PAK5: variants seen among roughly 807,000 people sequenced by gnomAD.
The protein encoded by PAK5 is p21 (RAC1) activated kinase 5.
Under a neutral mutation model 65.9 loss-of-function variants are expected in PAK5, and 16 were observed. The ratio of observed to expected loss-of-function variants is 0.24; its 90% confidence interval spans 0.16 to 0.37. The LOEUF (loss-of-function observed/expected upper bound fraction) is 0.37, where lower values mean the gene tolerates loss of function less well. Among genes scored for constraint, PAK5 ranks in the 10% least tolerant of loss-of-function variants. The probability of loss-of-function intolerance (pLI) is 1.00; values close to 1 mark genes in which losing one functional copy is unlikely to be tolerated. For missense variants in PAK5, 785 were observed against 903.9 expected (o/e 0.87, Z 1.69); for synonymous variants, 371 against 354.9 (o/e 1.05, Z -0.51).
chr20:9,544,445 G>A lies in PAK5; in HGVS notation c.1793C>T (p.Pro598Leu), dbSNP rs765134491. 6 of 1,613,768 alleles carry A rather than the reference G, an allele frequency of 3.7e-6. No homozygotes were observed. The highest frequency in any genetic ancestry group is 2.7e-5 in the African/African-American group (2 of 74,996). ...GFCAQVSKEVPKRKSLVGTPY... is the reference protein window; with the variant it reads ...GFCAQVSKEVLKRKSLVGTPY... ...AGTGCCAACCAATGATTTCCTCTTC[G>A]GCACCTCTTTGGAAACTTGAGCACA... is the stretch of plus-strand genomic sequence containing the variant. Residue 598 changes from proline to leucine, a missense_variant, in exon 8 of 10, where the codon CCG becomes CTG. Pro to Leu is a moderately conservative substitution (Grantham distance 98). Coordinates refer to ENST00000353224, the MANE Select transcript of PAK5 (RefSeq NM_177990.4).
At chr20:9,642,376 A>T (rs2123269979) in intron 3 of PAK5, among the ~76,000 whole-genome samples, 1 of 151,982 alleles carries the variant, frequency 6.6e-6, no homozygotes, top group Admixed American at 6.6e-5. Context: ...TTTCTTTAAG[A>T]CTCTGCTTCC....
At chr20:9,780,210 C>G (rs925909746) in intron 1 of PAK5, among the ~76,000 whole-genome samples, 2 of 151,500 alleles carry the variant, frequency 1.3e-5, no homozygotes, top group South Asian at 4.2e-4. Flanking sequence ...TTCTAGAACC[C>G]TTTTCACCTC....
intron 1 of PAK5, among the ~76,000 whole-genome samples, chr20:9,749,919 G>A (rs1047098128): frequency 6.6e-6 from 1 of 152,102 alleles, no homozygotes; most frequent in Non-Finnish European, 1.5e-5. Context: ...CACGTCCTCA[G>A]GCCAGATTTT....
At chr20:9,587,920 T>C (rs965072026) in intron 3 of PAK5, among the ~76,000 whole-genome samples, 1 of 152,192 alleles carries the variant, frequency 6.6e-6, no homozygotes, top group Non-Finnish European at 1.5e-5. Flanking sequence ...CTATCTATAA[T>C]ATAGTGTTAA....
intron 1 of PAK5, among the ~76,000 whole-genome samples, chr20:9,762,912 A>G (rs182892060): frequency 6.6e-6 from 1 of 152,296 alleles, no homozygotes; most frequent in East Asian, 1.9e-4. Flanking sequence ...GTGTATATGC[A>G]TAATGAAATA....
At position 9,543,523 on chromosome 20, in the gene PAK5, A is replaced by T. The variant is rs144550783; in HGVS notation, c.1870-803T>A. 6.3e-4 allele frequency among the ~76,000 whole-genome samples: 96 copies of T among 152,156 alleles called. 2 individuals carry two copies. The East Asian group carries it at 0.015, about 25-fold the overall frequency. On this transcript the variant is annotated intron_variant, in intron 8 of 9. Coordinates refer to ENST00000353224, the MANE Select transcript of PAK5 (RefSeq NM_177990.4). Reference sequence around the variant, plus strand: ...GGACCACAGTGAGAAAAACAAGTTGAGGACTCATCCAAGGTCAAGCAAACA... The same window carrying T: ...GGACCACAGTGAGAAAAACAAGTTGTGGACTCATCCAAGGTCAAGCAAACA...
chr20:9,695,269 G>A (rs1460631288), intron 2 of PAK5, among the ~76,000 whole-genome samples: 3 of 151,804 alleles, frequency 2.0e-5, no homozygotes, highest in Non-Finnish European at 4.4e-5. Flanking sequence ...TATAAATTCT[G>A]GATATGTCGA....
At chr20:9,741,006 T>A (rs2048445352) in intron 1 of PAK5, among the ~76,000 whole-genome samples, 1 of 152,176 alleles carries the variant, frequency 6.6e-6, no homozygotes, top group Admixed American at 6.6e-5. Flanking sequence ...CAAAATCTTT[T>A]CTCTGTCACC....
chr20:9,620,965 G>C (rs1301491753), intron 3 of PAK5, among the ~76,000 whole-genome samples: 1 of 149,488 alleles, frequency 6.7e-6, no homozygotes, highest in Non-Finnish European at 1.5e-5. Flanking sequence ...GAGAAAGAGA[G>C]AGAGAGAGAG....
Position 9,838,588 on chromosome 20 carries a change from G to T in PAK5, c.-162+174C>A, listed in dbSNP as rs994375365. 1.9e-4 allele frequency among the ~76,000 whole-genome samples: 29 copies of T among 152,170 alleles called. No individual in the cohort carries two copies. Among genetic ancestry groups the T allele is most frequent in the African/African-American group, 6.8e-4 (28 of 41,442 alleles). On this transcript the variant is annotated intron_variant, in intron 1 of 9. Transcript: ENST00000353224. The surrounding 1 kb of genome is among the most constrained non-coding windows in gnomAD (Gnocchi z 4.5). Reference sequence around the variant, plus strand: ...CCTATCCCTACCCTCCAGGCAGCAGGTCCCTAGCCTTTGCATCTCCTAGGA... The same window carrying T: ...CCTATCCCTACCCTCCAGGCAGCAGTTCCCTAGCCTTTGCATCTCCTAGGA...
intron 2 of PAK5, among the ~76,000 whole-genome samples, chr20:9,649,890 T>C (rs1600196390): frequency 6.6e-6 from 1 of 152,186 alleles, no homozygotes; most frequent in African/African-American, 2.4e-5. Flanking sequence ...GCTACACAGA[T>C]AAGGAAACTG....
chr20:9,785,821 A>T (rs1000885861), intron 1 of PAK5, among the ~76,000 whole-genome samples: 1 of 152,180 alleles, frequency 6.6e-6, no homozygotes, highest in Admixed American at 6.6e-5. Flanking sequence ...AATAATTGTT[A>T]AAGTGGCATG....
chr20:9,821,367 C>T (rs556341639), intron 1 of PAK5, among the ~76,000 whole-genome samples: 87 of 152,058 alleles, frequency 5.7e-4, no homozygotes, highest in Non-Finnish European at 1.1e-3. Context: ...GGCAACAGAG[C>T]GAGACTCTGT....
At chr20:9,738,174 A>C (rs1020469038) in intron 1 of PAK5, among the ~76,000 whole-genome samples, 29 of 151,376 alleles carry the variant, frequency 1.9e-4, no homozygotes, top group African/African-American at 6.6e-4. Flanking sequence ...AACAAACAAA[A>C]AAACAATGTG....
intron 3 of PAK5, among the ~76,000 whole-genome samples, chr20:9,584,739 A>C (rs2046039368): frequency 6.6e-6 from 1 of 152,252 alleles, no homozygotes. Context: ...TGTTTTTTAA[A>C]AGAAAACAGA....
At chr20:9,597,100 A>AT (rs2046283379) in intron 3 of PAK5, among the ~76,000 whole-genome samples, 1 of 152,212 alleles carries the variant, frequency 6.6e-6, no homozygotes, top group Non-Finnish European at 1.5e-5. Flanking sequence ...GCTGGATTAT[A>AT]AATCTGGCAA....
chr20:9,589,140 C>T (rs2046121037), intron 3 of PAK5, among the ~76,000 whole-genome samples: 1 of 152,204 alleles, frequency 6.6e-6, no homozygotes, highest in Non-Finnish European at 1.5e-5. Flanking sequence ...TTTTGTCTTT[C>T]AGGTAAATAT....
At chr20:9,726,619 T>C (rs950814218) in intron 1 of PAK5, among the ~76,000 whole-genome samples, 2 of 152,128 alleles carry the variant, frequency 1.3e-5, no homozygotes, top group African/African-American at 2.4e-5. Context: ...TTTGATTATA[T>C]GGCTGAAGGG....
intron 1 of PAK5, among the ~76,000 whole-genome samples, chr20:9,802,151 T>A (rs1119433): frequency 6.6e-6 from 1 of 152,080 alleles, no homozygotes; most frequent in East Asian, 1.9e-4. Flanking sequence ...GAACTTCCCA[T>A]ACTTCTGGGT....
Sources: allele counts gnomAD v4.1 joint callset (sites outside exome capture counted in the v4.1 genomes callset), GRCh38; gene constraint gnomAD v4.1.1; non-coding constraint Gnocchi (gnomAD v3.1); transcripts MANE v1.5; gene names NCBI Gene and HGNC (gene_info 2026-07-23, HGNC 2026-07-21).